The following ALDH1L2 variants were observed in gnomAD, a reference collection of about 807,000 sequenced individuals.
ALDH1L2 encodes the protein aldehyde dehydrogenase 1 family member L2, also known as mitochondrial 10-formyltetrahydrofolate dehydrogenase.
Under a neutral mutation model 111.0 loss-of-function variants are expected in ALDH1L2, and 91 were observed. That is an observed-to-expected ratio of 0.82 (90% CI 0.69 to 0.98). The LOEUF is 0.98. Ranked by LOEUF, ALDH1L2 falls within the 50% of genes least tolerant of loss-of-function variation. ALDH1L2 has a pLI of 0.00. For missense variants in ALDH1L2, 995 were observed against 1,126.8 expected (o/e 0.88, Z 1.67); for synonymous variants, 374 against 392.6 (o/e 0.95, Z 0.56).
rs371331932 is a variant in ALDH1L2, at chr12:105,051,564, G to A, written c.1535+526C>T. Among the ~76,000 whole-genome samples, 48 of 152,254 alleles carry A rather than the reference G, an allele frequency of 3.2e-4. No homozygotes were observed. The East Asian group carries it at 5.0e-3, about 16-fold the overall frequency. On this transcript the variant is annotated intron_variant, in intron 12 of 22. Coordinates refer to ENST00000258494, the MANE Select transcript of ALDH1L2 (RefSeq NM_001034173.4). ...ATTGGATTTCTTTGACCTCGGCCAC[G>A]TCTTTGTGAACAGTTCTTTATTAAA...
Position 105,071,696 on chromosome 12 carries a change from G to A in ALDH1L2, c.194-892C>T, listed in dbSNP as rs796775863. Among the ~76,000 whole-genome samples, 18 of 102,294 alleles carry A rather than the reference G, an allele frequency of 1.8e-4. 1 individual carries two copies. Among genetic ancestry groups the A allele is most frequent in the African/African-American group, 3.5e-4 (9 of 25,482 alleles). 67.1% of individuals were successfully genotyped at this position (102,294 alleles called of 152,430 possible). On this transcript the variant is annotated intron_variant, in intron 2 of 22. Coordinates refer to ENST00000258494, the MANE Select transcript of ALDH1L2 (RefSeq NM_001034173.4). ...TTGTGAGACGGAGTCTCGCTCTTTCGCCCAGGCCGGACTGCAGTGGTGCTA... is the reference window on the plus strand; with the variant it reads ...TTGTGAGACGGAGTCTCGCTCTTTCACCCAGGCCGGACTGCAGTGGTGCTA...
rs1009975687 is a variant in ALDH1L2 at position 105,030,512 on chromosome 12, A to T, written c.2411-83T>A. The T allele has an allele frequency of 1.4e-5, 17 of 1,195,972 alleles. No individual in the cohort carries two copies. The African/African-American group carries it at 2.6e-4, about 19-fold the overall frequency. 74.1% of individuals were successfully genotyped at this position (1,195,972 alleles called of 1,614,324 possible). ...TAGTCCTCTCACTTAATTACATTAT[A>T]ATTTTTTCTTTCCCTCTGGCCCAGT... On this transcript the variant is annotated intron_variant, in intron 20 of 22. Transcript: ENST00000258494.
intron 12 of ALDH1L2, 40 bp from the exon 13 acceptor site, chr12:105,050,098 A>G: frequency 6.6e-6 from 10 of 1,521,616 alleles, no homozygotes; most frequent in Non-Finnish European, 8.8e-6. Context: ...ACAAGTATTG[A>G]TTGAGCTCCT....
At position 105,024,445 on chromosome 12, in the gene ALDH1L2, C is replaced by CTTGGTT; in HGVS notation, c.2745_2750dup (p.Lys917_Thr918dup). 2 of 1,614,062 alleles carry CTTGGTT rather than the reference C, an allele frequency of 1.2e-6. No homozygotes were observed. Among genetic ancestry groups the CTTGGTT allele is most frequent in the Non-Finnish European group, 1.7e-6 (2 of 1,179,986 alleles). On this transcript the variant is annotated inframe_insertion, in exon 23 of 23. Coordinates refer to ENST00000258494, the MANE Select transcript of ALDH1L2 (RefSeq NM_001034173.4). The stretch of plus-strand genomic sequence containing the variant: ...TGCTCTAATATTCCAGTGTCACCGT[C>CTTGGTT]TTGGTTTTGAGATATTCATTTAGAG...
intron 10 of ALDH1L2, among the ~76,000 whole-genome samples, chr12:105,053,635 G>A (rs142083984): frequency 6.6e-6 from 1 of 152,204 alleles, no homozygotes; most frequent in African/African-American, 2.4e-5. Flanking sequence ...ATAGCAAGAA[G>A]GTCTCTTGCC....
Position 105,070,555 on chromosome 12 carries a change from A to G in ALDH1L2, c.428+15T>C, listed in dbSNP as rs1259529970. ...CCCCATCTCAAAAAAAAAAAGTAAA[A>G]AGAAAAAATCTCACCAATTGATAGC... On this transcript the variant is annotated intron_variant, in intron 3 of 22. Transcript: ENST00000258494. 1 of 1,587,992 alleles carries G rather than the reference A, an allele frequency of 6.3e-7. No homozygotes were observed. Among genetic ancestry groups the G allele is most frequent in the East Asian group, 2.2e-5 (1 of 44,756 alleles).
At chr12:105,032,031 A>T in intron 19 of ALDH1L2, 97 bp from the exon 20 acceptor site, 3 of 1,239,444 alleles carry the variant, frequency 2.4e-6, no homozygotes, top group Non-Finnish European at 3.3e-6. Context: ...TTATAGATGT[A>T]TTGTCATTTA....
chr12:105,033,808 G>A (rs895294849), intron 19 of ALDH1L2, among the ~76,000 whole-genome samples: 3 of 152,250 alleles, frequency 2.0e-5, no homozygotes, highest in Admixed American at 6.5e-5. Context: ...GATTCATGGT[G>A]TATCTCTCAT....
At chr12:105,033,714 G>A (rs540460445) in intron 19 of ALDH1L2, among the ~76,000 whole-genome samples, 16 of 152,206 alleles carry the variant, frequency 1.1e-4, no homozygotes, top group Middle Eastern at 3.4e-3. Flanking sequence ...ATGGAGTCAT[G>A]ATCAATGTCC....
chr12:105,040,724 T>C lies in ALDH1L2; in HGVS notation c.1864-30A>G, dbSNP rs189810793. Reference sequence around the variant, plus strand: ...GGAGAAGCAAACAGCAATTACCTTCTTCAGGCCCTAACCTGACCTTTAGCC... The same window carrying C: ...GGAGAAGCAAACAGCAATTACCTTCCTCAGGCCCTAACCTGACCTTTAGCC... On this transcript the variant is annotated intron_variant, in intron 15 of 22. Coordinates refer to ENST00000258494, the MANE Select transcript of ALDH1L2 (RefSeq NM_001034173.4). 1,583 of 1,601,732 alleles carry C rather than the reference T, an allele frequency of 9.9e-4. 5 individuals carry two copies. Among genetic ancestry groups the C allele is most frequent in the Non-Finnish European group, 6.3e-4 (732 of 1,168,774 alleles).
Position 105,052,228 on chromosome 12 carries a change from G to A in ALDH1L2, c.1408-11C>T. On this transcript the variant is annotated splice_polypyrimidine_tract_variant and intron_variant, in intron 11 of 22. Transcript: ENST00000258494. Reference sequence around the variant, plus strand: ...TACTTTGCATATTGTCTATTTCAAGGTAAGTAAAAATAGGCCCCATGAGAG... The same window carrying A: ...TACTTTGCATATTGTCTATTTCAAGATAAGTAAAAATAGGCCCCATGAGAG... 1.9e-6 allele frequency: 3 copies of A among 1,587,954 alleles called. No individual in the cohort carries two copies. The highest frequency in any genetic ancestry group is 1.2e-5 in the South Asian group (1 of 85,808).
chr12:105,029,392 T>C (rs1343623049), intron 21 of ALDH1L2, among the ~76,000 whole-genome samples: 2 of 152,178 alleles, frequency 1.3e-5, no homozygotes, highest in African/African-American at 4.8e-5. Context: ...TCTGACCCAC[T>C]GCACCATCCT....
At chr12:105,049,046 A>AT (rs1489091112) in intron 13 of ALDH1L2, among the ~76,000 whole-genome samples, 3 of 119,270 alleles carry the variant, frequency 2.5e-5, no homozygotes, top group Admixed American at 1.7e-4. Flanking sequence ...AAGAAAAAAA[A>AT]ATTTTTTTTT....
intron 10 of ALDH1L2, among the ~76,000 whole-genome samples, chr12:105,055,485 T>A (rs1306091925): frequency 6.6e-6 from 1 of 152,200 alleles, no homozygotes; most frequent in African/African-American, 2.4e-5. Flanking sequence ...CCACATTCTA[T>A]TATTTTAAAT....
chr12:105,059,882 A>G (rs540785090), intron 9 of ALDH1L2, among the ~76,000 whole-genome samples: 1 of 152,326 alleles, frequency 6.6e-6, no homozygotes, highest in East Asian at 1.9e-4. Context: ...CTAGGATCAA[A>G]TCCTCTTAGC....
Position 105,026,760 on chromosome 12 carries a change from G to C in ALDH1L2, c.2517-16C>G. 2 of 1,611,666 alleles carry C rather than the reference G, an allele frequency of 1.2e-6. No individual in the cohort carries two copies. The highest frequency in any genetic ancestry group is 1.7e-6 in the Non-Finnish European group (2 of 1,179,208). The stretch of plus-strand genomic sequence containing the variant: ...ATCGATGTCCCTGTGTTTTTAGGAA[G>C]ACATAAAACTTCATTAAATGTAAAG... On this transcript the variant is annotated splice_polypyrimidine_tract_variant and intron_variant, in intron 21 of 22. Transcript: ENST00000258494.
chr12:105,031,521 C>T (rs1874693850), intron 20 of ALDH1L2, among the ~76,000 whole-genome samples: 1 of 152,072 alleles, frequency 6.6e-6, no homozygotes, highest in Admixed American at 6.6e-5. Flanking sequence ...CAGTCTGTTG[C>T]CCAAGTTGGA....
rs1874713691 is a variant in ALDH1L2 at position 105,031,803 on chromosome 12, A to C, written c.2376T>G (p.Thr792=). Residue 792 remains threonine, a synonymous_variant, in exon 20 of 23, where the codon ACT becomes ACG. Coordinates refer to ENST00000258494, the MANE Select transcript of ALDH1L2 (RefSeq NM_001034173.4). The stretch of plus-strand genomic sequence containing the variant: ...GGACTTGTCTTCCCCCGTACACCAA[A>C]GTGGCCCCTTCTTTCACTCCAGTTT... The part of the protein sequence containing the change: ...YCETGVKEGA[T]LVYGGRQVQR... The C allele has an allele frequency of 6.2e-7, 1 of 1,614,040 alleles. No individual in the cohort carries two copies. The highest frequency in any genetic ancestry group is 1.1e-5 in the South Asian group (1 of 91,080).
At chr12:105,028,187 T>G (rs923213721) in intron 21 of ALDH1L2, among the ~76,000 whole-genome samples, 9 of 152,196 alleles carry the variant, frequency 5.9e-5, no homozygotes, top group African/African-American at 1.7e-4. Flanking sequence ...CTCGGCTCAC[T>G]GCAACCTTCG....
Sources: allele counts gnomAD v4.1 joint callset (sites outside exome capture counted in the v4.1 genomes callset), GRCh38; gene constraint gnomAD v4.1.1; transcripts MANE v1.5; gene names NCBI Gene and HGNC (gene_info 2026-07-23, HGNC 2026-07-21).